SLIT1: variants seen among roughly 807,000 people sequenced by gnomAD.
SLIT1 encodes the protein slit homolog 1 protein.
In SLIT1, 66 loss-of-function variants were observed where a neutral mutation model predicts 186.1. The observed-to-expected ratio is 0.35, with a 90% CI of 0.29 to 0.44. The LOEUF (loss-of-function observed/expected upper bound fraction) is 0.44, where lower values mean the gene tolerates loss of function less well. Ranked by LOEUF, SLIT1 falls within the 20% of genes least tolerant of loss-of-function variation. The probability of loss-of-function intolerance (pLI) is 1.00; values close to 1 mark genes in which losing one functional copy is unlikely to be tolerated. For synonymous variants in SLIT1, 761 were observed against 833.8 expected (o/e 0.91, Z 1.50); for missense variants, 1,638 against 2,037.4 (o/e 0.80, Z 3.77).
At chr10:97,048,046 C>T (rs371605618) in intron 14 of SLIT1, 50 bp from the exon 15 acceptor site, 7 of 1,605,448 alleles carry the variant, frequency 4.4e-6, no homozygotes, top group Admixed American at 1.7e-5. Context: ...CCAGGACCTG[C>T]AGTAACAGCC....
chr10:97,012,075 TACACACAC>T (rs35171328), intron 30 of SLIT1, among the ~76,000 whole-genome samples: 22,042 of 130,768 alleles, frequency 0.17, 1,529 homozygotes, highest in East Asian at 0.23. Flanking sequence ...TCAAGCCCAG[TACACACAC>T]ACACACACAC....
chr10:97,077,489 A>C (rs959808425), intron 4 of SLIT1, among the ~76,000 whole-genome samples: 1 of 152,220 alleles, frequency 6.6e-6, no homozygotes, highest in Admixed American at 6.5e-5. Flanking sequence ...CTCAGGGCGC[A>C]GTAGCTAGTC....
At chr10:97,002,053 C>T (rs1270640903) in intron 36 of SLIT1, 105 bp downstream of exon 36, 4 of 706,066 alleles carry the variant, frequency 5.7e-6, no homozygotes, top group Non-Finnish European at 9.1e-6. Context: ...TGGTACAGGG[C>T]TGGGAAGGGA....
Position 97,004,213 on chromosome 10 carries a change from C to T in SLIT1, c.3720G>A (p.Thr1240=), listed in dbSNP as rs368348201. The stretch of plus-strand genomic sequence containing the variant: ...CGGTGTGGAATTGCCCATCGTTGAT[C>T]GTCTCAGCACTGGAGGAAGAGGGGG... ...YPSSAIYSAE[T]INDGQFHTVE... Residue 1240 remains threonine, a synonymous_variant, in exon 34 of 37, where the codon ACG becomes ACA. Transcript: ENST00000266058. The surrounding 1 kb of genome is among the most constrained non-coding windows in gnomAD (Gnocchi z 5.1). 4 of 1,604,836 alleles carry T rather than the reference C, an allele frequency of 2.5e-6. No homozygotes were observed. Among genetic ancestry groups the T allele is most frequent in the Non-Finnish European group, 3.4e-6 (4 of 1,172,388 alleles).
intron 16 of SLIT1, 40 bp from the exon 17 acceptor site, chr10:97,047,105 T>C (rs377195100): frequency 3.8e-6 from 5 of 1,311,332 alleles, no homozygotes; most frequent in Non-Finnish European, 5.5e-6. Context: ...TCACAAATGA[T>C]GGACATTTCA....
chr10:97,123,585 T>C (rs12261620), intron 4 of SLIT1, among the ~76,000 whole-genome samples: 24,133 of 151,910 alleles, frequency 0.16, 2,579 homozygotes, highest in African/African-American at 0.29. Context: ...TCAAGATCAC[T>C]TTGAGACCAG....
At chr10:97,054,222 T>C (rs1377663075) in intron 13 of SLIT1, among the ~76,000 whole-genome samples, 2 of 151,884 alleles carry the variant, frequency 1.3e-5, no homozygotes, top group Non-Finnish European at 2.9e-5. Context: ...TACTCTGAGC[T>C]CATGCAAGAT....
rs11292804 is a variant in SLIT1 at position 97,021,558 on chromosome 10, CTTT to C, written c.2583-148_2583-146del. 1.9e-4 allele frequency: 90 copies of C among 480,176 alleles called. No homozygotes were observed. The highest frequency in any genetic ancestry group is 1.1e-3 in the Middle Eastern group (2 of 1,768). The allele number at this position is 480,176 out of a possible 1,614,324, so 29.7% of individuals were successfully genotyped here. On this transcript the variant is annotated intron_variant, in intron 25 of 36. Coordinates refer to ENST00000266058, the MANE Select transcript of SLIT1 (RefSeq NM_003061.3). The surrounding 1 kb of genome is among the most constrained non-coding windows in gnomAD (Gnocchi z 4.5). ...AGCATTTACTGTATAGTCAGTGCTG[CTTT>C]TTTTTTTTTTTCTTTTTTTGAGATG...
chr10:97,117,516 AC>A (rs1849520163), intron 4 of SLIT1, among the ~76,000 whole-genome samples: 1 of 152,236 alleles, frequency 6.6e-6, no homozygotes, highest in Non-Finnish European at 1.5e-5. Context: ...TTATAAATCC[AC>A]AAGGGTGTGG....
chr10:97,073,204 C>T (rs1258885406), intron 4 of SLIT1, among the ~76,000 whole-genome samples: 2 of 152,164 alleles, frequency 1.3e-5, no homozygotes, highest in African/African-American at 2.4e-5. Context: ...GTCTTCTGCC[C>T]CTGGTCTGTG....
chr10:97,001,939 AG>A (rs985875570), intron 36 of SLIT1, among the ~76,000 whole-genome samples: 1 of 152,042 alleles, frequency 6.6e-6, no homozygotes, highest in African/African-American at 2.4e-5. Context: ...CAGCCAGAAG[AG>A]GCGCATACCC....
chr10:97,174,220 G>A (rs977678746), intron 1 of SLIT1, among the ~76,000 whole-genome samples: 22 of 152,222 alleles, frequency 1.4e-4, no homozygotes, highest in Admixed American at 2.0e-4. Context: ...CCAGCTACCT[G>A]TGAGGGGAGA....
At position 97,010,874 on chromosome 10, in the gene SLIT1, G is replaced by T. The variant is rs1848404405; in HGVS notation, c.3341+119C>A. ...TGGCAGAGCCACGGTTAAAACCCCA[G>T]CATCCAACTTCCAGGCTCTGACCCA... is the stretch of plus-strand genomic sequence containing the variant. On this transcript the variant is annotated intron_variant, in intron 31 of 36. Transcript: ENST00000266058. This position sits in a 1 kb window ranked among gnomAD's most constrained non-coding sequence, Gnocchi z 4.8. 2.1e-6 allele frequency: 2 copies of T among 943,780 alleles called. No individual in the cohort carries two copies. Among genetic ancestry groups the T allele is most frequent in the Non-Finnish European group, 1.6e-6 (1 of 630,154 alleles). 58.5% of individuals were successfully genotyped at this position (943,780 alleles called of 1,614,324 possible). A position where few individuals can be genotyped will look rare whatever the true frequency, so the allele number is the denominator to read the frequency against.
intron 3 of SLIT1, among the ~76,000 whole-genome samples, chr10:97,159,377 T>TG (rs903226010): frequency 4.3e-4 from 65 of 150,868 alleles, no homozygotes; most frequent in African/African-American, 1.5e-3. Context: ...TTCATTGCCT[T>TG]GGGGGGATAA....
intron 4 of SLIT1, among the ~76,000 whole-genome samples, chr10:97,147,637 G>C (rs530144400): frequency 2.6e-5 from 4 of 151,840 alleles, no homozygotes; most frequent in Admixed American, 6.6e-5. Context: ...GCTGGGAGGG[G>C]GGGGAAGGAG....
chr10:97,177,051 CA>C (rs1196398552), intron 1 of SLIT1, among the ~76,000 whole-genome samples: 2 of 152,210 alleles, frequency 1.3e-5, no homozygotes, highest in African/African-American at 4.8e-5. Context: ...TGAAGAGCTA[CA>C]GAGCCAGCAC....
chr10:97,045,410 A>G (rs1245336613), intron 18 of SLIT1, among the ~76,000 whole-genome samples: 2 of 152,220 alleles, frequency 1.3e-5, no homozygotes, highest in Non-Finnish European at 2.9e-5. Context: ...ATATTTCTGT[A>G]TGCGTGCATG....
intron 20 of SLIT1, among the ~76,000 whole-genome samples, chr10:97,041,039 G>T (rs1848686061): frequency 6.6e-6 from 1 of 152,198 alleles, no homozygotes. Flanking sequence ...AGGCAGAGTG[G>T]TTCAGAAACT....
At chr10:97,108,219 G>A (rs939327297) in intron 4 of SLIT1, among the ~76,000 whole-genome samples, 1 of 152,198 alleles carries the variant, frequency 6.6e-6, no homozygotes, top group African/African-American at 2.4e-5. Flanking sequence ...AGGTGCAGCA[G>A]GGGAGGTGGG....
Sources: allele counts gnomAD v4.1 joint callset (sites outside exome capture counted in the v4.1 genomes callset), GRCh38; gene constraint gnomAD v4.1.1; non-coding constraint Gnocchi (gnomAD v3.1); transcripts MANE v1.5; gene names NCBI Gene and HGNC (gene_info 2026-07-23, HGNC 2026-07-21).